NRXN3: variants seen among roughly 807,000 people sequenced by gnomAD.
The protein encoded by NRXN3 is neurexin 3, also known as neurexin III.
A neutral mutation model predicts 137.6 loss-of-function variants in NRXN3; 32 were observed. That is an observed-to-expected ratio of 0.23 (90% CI 0.18 to 0.31). NRXN3 has a LOEUF of 0.31. NRXN3 is among the 10% of genes least tolerant of loss of function. NRXN3 has a pLI of 1.00. For synonymous variants in NRXN3, 798 were observed against 784.5 expected, an observed-to-expected ratio of 1.02 and a Z score of -0.29; for missense variants, 1,574 against 2,062.5, an observed-to-expected ratio of 0.76 and a Z score of 4.59.
chr14:78,544,302 C>A (rs34806819), intron 4 of NRXN3, among the ~76,000 whole-genome samples: 37,543 of 152,130 alleles, frequency 0.25, 4,954 homozygotes, highest in Middle Eastern at 0.33. Flanking sequence ...CTCACTGAGA[C>A]CATGGTAATC....
intron 15 of NRXN3, among the ~76,000 whole-genome samples, chr14:79,204,213 G>T (rs536430627): frequency 4.0e-5 from 6 of 151,852 alleles, no homozygotes; most frequent in Non-Finnish European, 8.8e-5. Flanking sequence ...GCTTGAAAAA[G>T]AGATGGTTAT....
chr14:78,957,056 A>G (rs2099398132), intron 10 of NRXN3, among the ~76,000 whole-genome samples, 186 bp from the exon 11 acceptor site: 1 of 152,314 alleles, frequency 6.6e-6, no homozygotes, highest in Middle Eastern at 3.4e-3. Context: ...GTTTGAATTG[A>G]GACTTTTGCA....
chr14:78,855,690 T>G (rs994139993), intron 10 of NRXN3, among the ~76,000 whole-genome samples: 1 of 152,194 alleles, frequency 6.6e-6, no homozygotes, highest in Non-Finnish European at 1.5e-5. Flanking sequence ...AAAGTGTATC[T>G]GACAGTATTT....
chr14:78,206,576 A>G (rs912401792), intron 1 of NRXN3, among the ~76,000 whole-genome samples: 15 of 152,296 alleles, frequency 9.8e-5, no homozygotes, highest in Admixed American at 7.8e-4. Context: ...AAAGGCTGAG[A>G]TGAGATTGCT....
chr14:79,801,642 GAC>G (rs2099181487), intron 19 of NRXN3, among the ~76,000 whole-genome samples: 1 of 152,150 alleles, frequency 6.6e-6, no homozygotes, highest in Non-Finnish European at 1.5e-5. Context: ...CCATTCTTAC[GAC>G]ACACTGCTGG....
At chr14:79,643,962 C>T (rs2098443561) in intron 16 of NRXN3, among the ~76,000 whole-genome samples, 1 of 135,866 alleles carries the variant, frequency 7.4e-6, no homozygotes, top group East Asian at 2.0e-4. Flanking sequence ...TGAATACCCA[C>T]ACTGTATCCT....
chr14:79,758,093 G>A (rs1177804071), intron 19 of NRXN3, among the ~76,000 whole-genome samples: 1 of 152,058 alleles, frequency 6.6e-6, no homozygotes. Context: ...TAAGTCCTGT[G>A]GAACAAAATA....
chr14:78,604,075 G>C (rs1030541817), intron 4 of NRXN3, among the ~76,000 whole-genome samples: 1 of 152,148 alleles, frequency 6.6e-6, no homozygotes, highest in Non-Finnish European at 1.5e-5. Context: ...CACGGAGGCA[G>C]GCTAGAGAGA....
At chr14:79,120,967 TA>T (rs1268771396) in intron 15 of NRXN3, among the ~76,000 whole-genome samples, 1 of 152,124 alleles carries the variant, frequency 6.6e-6, no homozygotes, top group Non-Finnish European at 1.5e-5. Flanking sequence ...CATTGCTCTC[TA>T]GGGGGGAAAT....
chr14:78,699,450 A>G (rs1475723761), intron 6 of NRXN3, among the ~76,000 whole-genome samples: 6 of 152,240 alleles, frequency 3.9e-5, no homozygotes, highest in Non-Finnish European at 8.8e-5. Context: ...ATAAAGAACC[A>G]TCGAACAATT....
intron 15 of NRXN3, among the ~76,000 whole-genome samples, chr14:79,050,627 G>A (rs548266316): frequency 9.2e-5 from 14 of 152,266 alleles, no homozygotes; most frequent in Non-Finnish European, 1.8e-4. Flanking sequence ...CCATGCATTC[G>A]TTCTTAGAAT....
At chr14:79,508,522 TGG>T (rs2096901757) in intron 16 of NRXN3, among the ~76,000 whole-genome samples, 1 of 151,204 alleles carries the variant, frequency 6.6e-6, no homozygotes, top group Non-Finnish European at 1.5e-5. Context: ...CCCAAGTAAC[TGG>T]GATTACAGGT....
At chr14:79,055,027 T>C (rs2099654959) in intron 15 of NRXN3, among the ~76,000 whole-genome samples, 1 of 152,178 alleles carries the variant, frequency 6.6e-6, no homozygotes, top group African/African-American at 2.4e-5. Context: ...GTGCACTGTG[T>C]TCCATTAGTA....
intron 10 of NRXN3, among the ~76,000 whole-genome samples, chr14:78,939,432 C>T (rs2099348786): frequency 1.3e-5 from 2 of 152,192 alleles, no homozygotes; most frequent in Non-Finnish European, 2.9e-5. Flanking sequence ...CAATGTTCAT[C>T]TACCTTGGTT....
At chr14:79,155,338 G>T (rs2060166942) in intron 15 of NRXN3, among the ~76,000 whole-genome samples, 1 of 151,774 alleles carries the variant, frequency 6.6e-6, no homozygotes, top group South Asian at 2.1e-4. Flanking sequence ...GATTATATAA[G>T]AACCTATGTA....
At chr14:79,162,465 C>T (rs894440966) in intron 15 of NRXN3, among the ~76,000 whole-genome samples, 4 of 151,814 alleles carry the variant, frequency 2.6e-5, no homozygotes, top group Admixed American at 6.6e-5. Flanking sequence ...CTACAAAGGA[C>T]GTGAACTCAT....
At chr14:78,185,831 C>T (rs950525721) in intron 1 of NRXN3, among the ~76,000 whole-genome samples, 16 of 152,206 alleles carry the variant, frequency 1.1e-4, no homozygotes, top group Non-Finnish European at 2.4e-4. Flanking sequence ...AAATATCTGT[C>T]TTTGGACCAA....
intron 8 of NRXN3, among the ~76,000 whole-genome samples, chr14:78,775,254 A>T (rs1487890377): frequency 6.6e-6 from 1 of 152,174 alleles, no homozygotes; most frequent in Admixed American, 6.5e-5. Context: ...TGGTGTGTAC[A>T]TATATACAAA....
chr14:79,672,678 G>A (rs886397055), intron 17 of NRXN3, among the ~76,000 whole-genome samples: 1 of 151,948 alleles, frequency 6.6e-6, no homozygotes, highest in Non-Finnish European at 1.5e-5. Context: ...ACAAATTCTG[G>A]CCTGCAGAAG....
Sources: allele counts gnomAD v4.1 joint callset (sites outside exome capture counted in the v4.1 genomes callset), GRCh38; gene constraint gnomAD v4.1.1; transcripts MANE v1.5; gene names NCBI Gene and HGNC (gene_info 2026-07-23, HGNC 2026-07-21).